NCF4: variants seen among roughly 807,000 people sequenced by gnomAD.
NCF4 encodes neutrophil cytosolic factor 4.
Under a neutral mutation model 41.7 loss-of-function variants are expected in NCF4, and 30 were observed. The observed-to-expected ratio is 0.72, with a 90% CI of 0.54 to 0.97. NCF4 has a LOEUF of 0.97. Ranked by LOEUF, NCF4 falls within the 50% of genes least tolerant of loss-of-function variation. The pLI is 0.00. For missense variants in NCF4, 432 were observed against 460.9 expected (o/e 0.94, Z 0.57); for synonymous variants, 195 against 175.8 (o/e 1.11, Z -0.87).
In NCF4 at chr22:36,871,881, G is replaced by A. The variant is rs6000456; in HGVS notation, c.528+172G>A. On this transcript the variant is annotated intron_variant, in intron 6 of 9. Coordinates refer to ENST00000248899, the MANE Select transcript of NCF4 (RefSeq NM_000631.5). ...CAGCCTCTGCCACTGGGGGTCCCCC[G>A]AGCCCAGCTAAGGGGAGGGCATGTG... Among the ~76,000 whole-genome samples, 9,582 of 152,334 alleles carry A rather than the reference G, an allele frequency of 0.063. 1,005 individuals carry two copies. Among genetic ancestry groups the A allele is most frequent in the African/African-American group, 0.22 (9,107 of 41,562 alleles).
In NCF4 at chr22:36,864,108, G is replaced by C. The variant is rs1939858619; in HGVS notation, c.96G>C (p.Lys32Asn). 1 of 1,613,974 alleles carries C rather than the reference G, an allele frequency of 6.2e-7. No individual in the cohort carries two copies. Among genetic ancestry groups the C allele is most frequent in the Non-Finnish European group, 8.5e-7 (1 of 1,179,910 alleles). The change falls in exon 2 of 10, where the codon AAG becomes AAC. Residue 32 changes from lysine to asparagine, a missense_variant. Transcript: ENST00000248899. ...CCAACATTGCTGACATCGAGGAGAA[G>C]AGAGGCTTCACCAGCCACTTTGTAA... ...ISANIADIEE[K>N]RGFTSHFVFV... is the part of the protein sequence containing the mutation.
chr22:36,865,106 C>G lies in NCF4; in HGVS notation c.271+34C>G. 2 of 1,603,186 alleles carry G rather than the reference C, an allele frequency of 1.2e-6. No individual in the cohort carries two copies. Among genetic ancestry groups the G allele is most frequent in the Non-Finnish European group, 1.7e-6 (2 of 1,179,604 alleles). On this transcript the variant is annotated intron_variant, in intron 3 of 9. Coordinates refer to ENST00000248899, the MANE Select transcript of NCF4 (RefSeq NM_000631.5). This position sits in a 1 kb window ranked among gnomAD's most constrained non-coding sequence, Gnocchi z 4.3. ...CCACTCCCGTCCTGCTGCTGCAGAG[C>G]TGCTGACTCTCCTTCCTTCCAGGGC...
intron 1 of NCF4, among the ~76,000 whole-genome samples, chr22:36,863,492 G>A (rs73158117): frequency 0.018 from 2,078 of 115,306 alleles, 31 homozygotes; most frequent in Middle Eastern, 0.035. Flanking sequence ...GTCCCTCTGC[G>A]AGGCATCAAG....
intron 9 of NCF4, 74 bp downstream of exon 9, chr22:36,876,168 A>G (rs1304232306): frequency 7.3e-7 from 1 of 1,373,346 alleles, no homozygotes; most frequent in African/African-American, 1.5e-5. Context: ...GTTAAGCACT[A>G]GTATTAAGGT....
chr22:36,874,738 T>C (rs963445022), intron 7 of NCF4, among the ~76,000 whole-genome samples: 92 of 152,336 alleles, frequency 6.0e-4, no homozygotes, highest in African/African-American at 2.2e-3. Flanking sequence ...GTTGTGAAGA[T>C]GAACAGAACA....
chr22:36,864,380 A>G (rs1373429351), intron 2 of NCF4, among the ~76,000 whole-genome samples: 1 of 152,180 alleles, frequency 6.6e-6, no homozygotes, highest in African/African-American at 2.4e-5. Flanking sequence ...CACTGTGCAC[A>G]TGACAGCCCT....
chr22:36,874,495 T>C (rs1035415770), intron 7 of NCF4, among the ~76,000 whole-genome samples: 2 of 152,174 alleles, frequency 1.3e-5, no homozygotes, highest in African/African-American at 4.8e-5. Flanking sequence ...TAGATCTCCA[T>C]CTCAGGAACT....
intron 9 of NCF4, among the ~76,000 whole-genome samples, chr22:36,876,935 A>G (rs535064852): frequency 1.2e-3 from 184 of 152,292 alleles, no homozygotes; most frequent in Middle Eastern, 3.4e-3. Flanking sequence ...AAGGATGCGC[A>G]TCTTCCCGCA....
At chr22:36,864,658 G>A (rs1227230124) in intron 2 of NCF4, among the ~76,000 whole-genome samples, 1 of 152,096 alleles carries the variant, frequency 6.6e-6, no homozygotes, top group Non-Finnish European at 1.5e-5. Flanking sequence ...CTATTTCCAA[G>A]GGCTCTTGCC....
At position 36,877,699 on chromosome 22, in the gene NCF4, C is replaced by A; in HGVS notation, c.896C>A (p.Ser299Ter). Residue 299 changes from serine to a stop codon, truncating the protein, a stop_gained, in exon 10 of 10, where the codon TCG (serine) becomes TAG (stop). Transcript: ENST00000248899. LOFTEE classifies it high-confidence loss of function. ...DAEGDLVRLL[S>*]DEDVALMVRQ... ...GAGGGGGATCTGGTTCGGCTGCTGTCGGATGAGGACGTAGCGCTCATGGTG... is the reference window on the plus strand; with the variant it reads ...GAGGGGGATCTGGTTCGGCTGCTGTAGGATGAGGACGTAGCGCTCATGGTG... 4 of 1,614,160 alleles carry A rather than the reference C, an allele frequency of 2.5e-6. No individual in the cohort carries two copies. Among genetic ancestry groups the A allele is most frequent in the Non-Finnish European group, 3.4e-6 (4 of 1,180,040 alleles).
intron 7 of NCF4, among the ~76,000 whole-genome samples, chr22:36,872,662 G>C (rs922745176): frequency 3.1e-5 from 1 of 31,950 alleles, no homozygotes. Context: ...GATGAGATTG[G>C]AGGTGAGGAT....
In NCF4 at chr22:36,877,720, T is replaced by TGGTGCG; in HGVS notation, c.919_924dup (p.Val307_Arg308dup). ...CTGTCGGATGAGGACGTAGCGCTCATGGTGCGGCAGGCTCGTGGCCTCCCC... is the reference window on the plus strand; with the variant it reads ...CTGTCGGATGAGGACGTAGCGCTCATGGTGCGGGTGCGGCAGGCTCGTGGCCTCCCC... On this transcript the variant is annotated inframe_insertion, in exon 10 of 10. Coordinates refer to ENST00000248899, the MANE Select transcript of NCF4 (RefSeq NM_000631.5). 1.2e-6 allele frequency: 2 copies of TGGTGCG among 1,614,144 alleles called. No homozygotes were observed. Among genetic ancestry groups the TGGTGCG allele is most frequent in the Non-Finnish European group, 1.7e-6 (2 of 1,180,026 alleles).
At chr22:36,874,072 G>A (rs1940141195) in intron 7 of NCF4, among the ~76,000 whole-genome samples, 1 of 152,234 alleles carries the variant, frequency 6.6e-6, no homozygotes, top group Non-Finnish European at 1.5e-5. Context: ...GGTAAAGGAG[G>A]TGGTAGATGG....
Position 36,865,528 on chromosome 22 carries a change from C to T in NCF4, c.271+456C>T, listed in dbSNP as rs34666418. ...TGTGGCTCTCCTTCTTCTCCTGTCC[C>T]GCCAGGAAGCTGGGTGGCCTCAAGC... On this transcript the variant is annotated intron_variant, in intron 3 of 9. Transcript: ENST00000248899. The surrounding 1 kb of genome is among the most constrained non-coding windows in gnomAD (Gnocchi z 4.3). Among the ~76,000 whole-genome samples, 1,326 of 152,254 alleles carry T rather than the reference C, an allele frequency of 8.7e-3. 24 individuals carry two copies. Among genetic ancestry groups the T allele is most frequent in the African/African-American group, 0.03 (1,264 of 41,532 alleles).
intron 9 of NCF4, among the ~76,000 whole-genome samples, chr22:36,876,985 A>C (rs756409803): frequency 1.3e-5 from 2 of 151,226 alleles, no homozygotes; most frequent in African/African-American, 2.5e-5. Flanking sequence ...GGTTCTCCTC[A>C]ATAGCCTCAC....
intron 7 of NCF4, among the ~76,000 whole-genome samples, chr22:36,873,931 G>T: frequency 6.6e-6 from 1 of 152,380 alleles, no homozygotes; most frequent in South Asian, 2.1e-4. Context: ...GATGAAGAGT[G>T]TGAACTCAGA....
At chr22:36,872,196 G>T (rs1294451691) in intron 6 of NCF4, 131 bp from the exon 7 acceptor site, 2 of 805,148 alleles carry the variant, frequency 2.5e-6, no homozygotes, top group Non-Finnish European at 4.3e-6. Flanking sequence ...GGTGGCCTCA[G>T]AGAAGTCGCT....
chr22:36,875,396 T>C (rs774867297), intron 7 of NCF4, among the ~76,000 whole-genome samples: 5 of 152,188 alleles, frequency 3.3e-5, no homozygotes, highest in African/African-American at 4.8e-5. Context: ...AAGCCTTTGT[T>C]GAATGAATAA....
At chr22:36,875,541 G>A (rs1940172038) in intron 7 of NCF4, 112 bp from the exon 8 acceptor site, 2 of 957,904 alleles carry the variant, frequency 2.1e-6, no homozygotes, top group African/African-American at 1.6e-5. Flanking sequence ...TACAGAAGAA[G>A]ACCCGGACCT....
Sources: allele counts gnomAD v4.1 joint callset (sites outside exome capture counted in the v4.1 genomes callset), GRCh38; gene constraint gnomAD v4.1.1; non-coding constraint Gnocchi (gnomAD v3.1); transcripts MANE v1.5; gene names NCBI Gene and HGNC (gene_info 2026-07-23, HGNC 2026-07-21).